The following LNPK variants were observed in gnomAD, a reference collection of about 807,000 sequenced individuals.
LNPK encodes endoplasmic reticulum junction formation protein lunapark.
A neutral mutation model predicts 55.2 loss-of-function variants in LNPK; 29 were observed. The observed-to-expected ratio is 0.53, with a 90% confidence interval of 0.39 to 0.72. The LOEUF is 0.72. Ranked by LOEUF, LNPK falls within the 30% of genes least tolerant of loss-of-function variation. The pLI is 0.00. For missense variants in LNPK, 467 were observed against 494.8 expected, an observed-to-expected ratio of 0.94 and a Z score of 0.53; for synonymous variants, 162 against 168.2, an observed-to-expected ratio of 0.96 and a Z score of 0.29.
intron 6 of LNPK, among the ~76,000 whole-genome samples, chr2:175,968,132 C>T (rs542966159): frequency 1.3e-5 from 2 of 152,100 alleles, no homozygotes; most frequent in Non-Finnish European, 2.9e-5. Context: ...TGTACTGTTC[C>T]CAGAAACGTC....
At chr2:175,976,115 G>C (rs897873127) in intron 5 of LNPK, among the ~76,000 whole-genome samples, 1 of 152,166 alleles carries the variant, frequency 6.6e-6, no homozygotes, top group Non-Finnish European at 1.5e-5. Flanking sequence ...AAAGGAGAGT[G>C]AAAGATGAGG....
At chr2:175,988,512 CAAAA>C (rs575414400) in intron 4 of LNPK, among the ~76,000 whole-genome samples, 2 of 58,730 alleles carry the variant, frequency 3.4e-5, no homozygotes, top group African/African-American at 6.8e-5. Flanking sequence ...ACTCTGTCTC[CAAAA>C]AAAAAAAAAA....
chr2:175,964,820 A>G lies in LNPK; in HGVS notation c.358-231T>C, dbSNP rs1168850697. 4.6e-5 allele frequency among the ~76,000 whole-genome samples: 7 copies of G among 152,202 alleles called. No homozygotes were observed. The East Asian group carries it at 1.3e-3, about 29-fold the overall frequency. On this transcript the variant is annotated intron_variant, in intron 6 of 12. Coordinates refer to ENST00000272748, the MANE Select transcript of LNPK (RefSeq NM_030650.3). ...ATACCAAATATTGCTAATTGTTTACATATAATGAGGAGAATAATTACATGC... is the reference window on the plus strand; with the variant it reads ...ATACCAAATATTGCTAATTGTTTACGTATAATGAGGAGAATAATTACATGC...
intron 5 of LNPK, among the ~76,000 whole-genome samples, chr2:175,974,413 G>C (rs1318201489): frequency 3.9e-5 from 6 of 152,172 alleles, no homozygotes; most frequent in African/African-American, 1.4e-4. Context: ...GAAATGATTA[G>C]TCCTACAAGT....
chr2:175,928,980 A>G lies in LNPK; in HGVS notation c.*987T>C, dbSNP rs1684141757. ...GTTAACTAGAAAGGAAACAAGTCTGAATAAAAGTACCATAATTTGCTCTAA... is the reference window on the plus strand; with the variant it reads ...GTTAACTAGAAAGGAAACAAGTCTGGATAAAAGTACCATAATTTGCTCTAA... On this transcript the variant is annotated 3_prime_UTR_variant, in exon 13 of 13. Coordinates refer to ENST00000272748, the MANE Select transcript of LNPK (RefSeq NM_030650.3). 3.1e-6 allele frequency: 1 copy of G among 326,914 alleles called. No homozygotes were observed. Among genetic ancestry groups the G allele is most frequent in the Admixed American group, 6.5e-5 (1 of 15,452 alleles). 20.3% of individuals were successfully genotyped at this position (326,914 alleles called of 1,614,324 possible). A position where few individuals can be genotyped will look rare whatever the true frequency, so the allele number is the denominator to read the frequency against.
chr2:175,926,532 T>C lies in LNPK; in HGVS notation c.*3435A>G, dbSNP rs957092385. 5 of 152,238 alleles carry C rather than the reference T, an allele frequency of 3.3e-5. No individual in the cohort carries two copies. Among genetic ancestry groups the C allele is most frequent in the African/African-American group, 1.2e-4 (5 of 41,464 alleles). The allele number at this position is 152,238 out of a possible 1,614,324, so 9.4% of individuals were successfully genotyped here. On this transcript the variant is annotated 3_prime_UTR_variant, in exon 13 of 13. Transcript: ENST00000272748. ...TTACCCAGTCTGTGGTATTCTGTTA[T>C]AGCAGCCCAAACGGACTTAAATACA...
chr2:175,969,996 G>A (rs756310662), intron 6 of LNPK, among the ~76,000 whole-genome samples: 1 of 151,948 alleles, frequency 6.6e-6, no homozygotes, highest in Non-Finnish European at 1.5e-5. Context: ...TTACATACTA[G>A]ACTAAAATAT....
intron 1 of LNPK, among the ~76,000 whole-genome samples, chr2:175,997,723 G>GTGTGTGTC (rs1687997310): frequency 6.8e-6 from 1 of 148,102 alleles, no homozygotes; most frequent in South Asian, 2.2e-4. Flanking sequence ...GTGTGTGTGT[G>GTGTGTGTC]TGTGTGTGTG....
intron 4 of LNPK, among the ~76,000 whole-genome samples, chr2:175,988,512 CAAAAAAA>C (rs575414400): frequency 1.7e-5 from 1 of 58,730 alleles, no homozygotes; most frequent in Non-Finnish European, 3.4e-5. Flanking sequence ...ACTCTGTCTC[CAAAAAAA>C]AAAAAAAAAA....
At chr2:175,993,898 TAC>T (rs1397960249) in intron 2 of LNPK, among the ~76,000 whole-genome samples, 1 of 152,132 alleles carries the variant, frequency 6.6e-6, no homozygotes, top group African/African-American at 2.4e-5. Context: ...TGAAAAAAAT[TAC>T]AGACTAAAAA....
intron 9 of LNPK, among the ~76,000 whole-genome samples, chr2:175,942,370 C>T (rs1684894726): frequency 6.6e-6 from 1 of 152,106 alleles, no homozygotes; most frequent in African/African-American, 2.4e-5. Context: ...TGGAACCAAT[C>T]GCCCATGACA....
chr2:175,924,245 G>C lies in LNPK; in HGVS notation c.*5722C>G, dbSNP rs1485242582. The C allele has an allele frequency of 6.6e-6, 1 of 152,138 alleles. No homozygotes were observed. Among genetic ancestry groups the C allele is most frequent in the Non-Finnish European group, 1.5e-5 (1 of 68,034 alleles). The allele number at this position is 152,138 out of a possible 1,614,324, so 9.4% of individuals were successfully genotyped here. The stretch of plus-strand genomic sequence containing the variant: ...TACAGTATATTCTCCCAATTTTCTA[G>C]AGTAGCTAGTCTCCATGACCATTTC... On this transcript the variant is annotated 3_prime_UTR_variant, in exon 13 of 13. Transcript: ENST00000272748.
chr2:175,971,404 T>A (rs1308908343), intron 5 of LNPK, among the ~76,000 whole-genome samples: 1 of 152,184 alleles, frequency 6.6e-6, no homozygotes, highest in Non-Finnish European at 1.5e-5. Flanking sequence ...TCAGAGGATA[T>A]CTTTTATGAA....
upstream of LNPK, chr2:176,002,308 C>A (rs1475677503): frequency 2.3e-6 from 1 of 432,744 alleles, no homozygotes; most frequent in Admixed American, 2.6e-5. Context: ...CGCGCTCCAG[C>A]CGCTCGCCAA....
chr2:175,994,793 T>C (rs1687856825), intron 2 of LNPK, among the ~76,000 whole-genome samples: 2 of 152,194 alleles, frequency 1.3e-5, no homozygotes, highest in South Asian at 4.1e-4. Context: ...AAAATCAAAC[T>C]GCATTTCTAA....
chr2:175,954,167 A>T (rs1334483095), intron 8 of LNPK, among the ~76,000 whole-genome samples: 1 of 152,172 alleles, frequency 6.6e-6, no homozygotes, highest in African/African-American at 2.4e-5. Context: ...TACCCCTTTT[A>T]ATCAAAAGCT....
intron 6 of LNPK, among the ~76,000 whole-genome samples, chr2:175,965,966 AATGGTCT>A (rs943209561): frequency 2.0e-5 from 3 of 152,250 alleles, no homozygotes; most frequent in African/African-American, 7.2e-5. Flanking sequence ...TAATGATGAA[AATGGTCT>A]ATGTCAGCGT....
intron 6 of LNPK, 56 bp downstream of exon 6, chr2:175,970,708 A>G: frequency 1.1e-6 from 1 of 951,104 alleles, no homozygotes; most frequent in Non-Finnish European, 1.4e-6. Flanking sequence ...ATAAACATTA[A>G]TTATTCAGTT....
chr2:176,002,739 A>G (rs1688216724), upstream of LNPK: 1 of 153,908 alleles, frequency 6.5e-6, no homozygotes, highest in African/African-American at 2.4e-5. Context: ...AATTAAGACT[A>G]CACAGCTCCG....
Sources: gnomAD v4.1 joint callset for allele counts (sites outside exome capture counted in the v4.1 genomes callset) on GRCh38, gnomAD v4.1.1 for gene constraint, MANE v1.5 for transcripts, NCBI Gene and HGNC (gene_info 2026-07-23, HGNC 2026-07-21) for gene names.